Variants in FSIP1 observed in about 807,000 individuals in gnomAD.
FSIP1 encodes fibrous sheath interacting protein 1.
A neutral mutation model predicts 60.9 loss-of-function variants in FSIP1; 65 were observed. The observed-to-expected ratio is 1.07, with a 90% CI of 0.87 to 1.31. The LOEUF (loss-of-function observed/expected upper bound fraction) is 1.31, where lower values mean the gene tolerates loss of function less well. Ranked by LOEUF, FSIP1 falls within the 40% of genes most tolerant of loss-of-function variation. FSIP1 has a pLI of 0.00. For synonymous variants in FSIP1, 209 were observed against 221.2 expected (o/e 0.94, Z 0.49); for missense variants, 675 against 665.5 (o/e 1.01, Z -0.16).
intron 10 of FSIP1, among the ~76,000 whole-genome samples, chr15:39,630,353 T>A (rs1168300042): frequency 6.6e-6 from 1 of 151,826 alleles, no homozygotes; most frequent in East Asian, 1.9e-4. Flanking sequence ...CAGAAGAATC[T>A]AAATAGCTTG....
intron 10 of FSIP1, among the ~76,000 whole-genome samples, chr15:39,688,900 C>T (rs1302449450): frequency 6.6e-6 from 1 of 152,148 alleles, no homozygotes; most frequent in Admixed American, 6.5e-5. Flanking sequence ...TTACTAAGAA[C>T]AATTTAAAAT....
intron 10 of FSIP1, among the ~76,000 whole-genome samples, chr15:39,681,328 T>C (rs1356060307): frequency 6.6e-6 from 1 of 152,186 alleles, no homozygotes; most frequent in Non-Finnish European, 1.5e-5. Flanking sequence ...GAGGAGATTA[T>C]AGAGGACCTT....
chr15:39,630,789 A>T (rs1048466106), intron 10 of FSIP1, among the ~76,000 whole-genome samples: 1 of 152,094 alleles, frequency 6.6e-6, no homozygotes, highest in African/African-American at 2.4e-5. Flanking sequence ...AGTTAGTTAA[A>T]CTCCTTTTTC....
chr15:39,646,346 G>T (rs1251907584), intron 10 of FSIP1, among the ~76,000 whole-genome samples: 1 of 151,742 alleles, frequency 6.6e-6, no homozygotes, highest in Non-Finnish European at 1.5e-5. Context: ...AAGAACTCGG[G>T]CAAAGGTGCT....
chr15:39,749,693 C>T (rs1180292230), intron 5 of FSIP1, among the ~76,000 whole-genome samples: 4 of 151,900 alleles, frequency 2.6e-5, no homozygotes, highest in African/African-American at 9.7e-5. Flanking sequence ...AAAAAGTTCA[C>T]AGTTAACATC....
chr15:39,636,570 C>G (rs1424404563), intron 10 of FSIP1, among the ~76,000 whole-genome samples: 1 of 152,180 alleles, frequency 6.6e-6, no homozygotes, highest in East Asian at 1.9e-4. Context: ...CAGGGCTGCT[C>G]TAACTGGCAA....
intron 9 of FSIP1, among the ~76,000 whole-genome samples, chr15:39,714,035 C>T (rs1171093463): frequency 6.6e-6 from 1 of 152,138 alleles, no homozygotes; most frequent in Non-Finnish European, 1.5e-5. Context: ...GAATCTTTGC[C>T]CTGCCTGGTT....
At chr15:39,674,761 T>A (rs1893871390) in intron 10 of FSIP1, among the ~76,000 whole-genome samples, 1 of 149,360 alleles carries the variant, frequency 6.7e-6, no homozygotes, top group Admixed American at 6.7e-5. Flanking sequence ...TTTTAAGGAC[T>A]TCTTTCTGAA....
chr15:39,607,520 C>G (rs1396175287), intron 11 of FSIP1, among the ~76,000 whole-genome samples: 1 of 152,174 alleles, frequency 6.6e-6, no homozygotes. Flanking sequence ...TTTACTGAAC[C>G]TTGTATTCAA....
At chr15:39,611,742 A>G (rs188742899) in intron 11 of FSIP1, among the ~76,000 whole-genome samples, 8 of 152,344 alleles carry the variant, frequency 5.3e-5, no homozygotes, top group Admixed American at 4.6e-4. Context: ...AAAAATAGTA[A>G]TAAAAGGCCA....
intron 5 of FSIP1, among the ~76,000 whole-genome samples, chr15:39,745,284 A>T (rs1896956344): frequency 6.6e-6 from 1 of 152,212 alleles, no homozygotes; most frequent in South Asian, 2.1e-4. Flanking sequence ...TGTCATCTAT[A>T]GATTCTTGGA....
At chr15:39,696,954 G>T (rs2140515952) in intron 10 of FSIP1, among the ~76,000 whole-genome samples, 1 of 147,768 alleles carries the variant, frequency 6.8e-6, no homozygotes, top group East Asian at 2.0e-4. Flanking sequence ...AAGCATTTGG[G>T]GTATGTGTGA....
At position 39,631,779 on chromosome 15, in the gene FSIP1, A is replaced by G. The variant is rs1398662823; in HGVS notation, c.1189-13534T>C. ...TTTAATTATAGAAACCTATTCAAGT[A>G]CATATATATTAATAGAAAGCCTCAC... On this transcript the variant is annotated intron_variant, in intron 10 of 11. Transcript: ENST00000350221. Among the ~76,000 whole-genome samples the G allele has an allele frequency of 3.3e-5, 5 of 152,384 alleles. No individual in the cohort carries two copies. In the East Asian group the frequency reaches 9.6e-4, roughly 29 times the overall value.
In FSIP1 at chr15:39,629,299, TC is replaced by T. The variant is rs1300681034; in HGVS notation, c.1189-11055del. 2.0e-5 allele frequency among the ~76,000 whole-genome samples: 3 copies of T among 152,298 alleles called. No individual in the cohort carries two copies. In the East Asian group the frequency reaches 5.8e-4, roughly 29 times the overall value. ...GATTCTCTATCATCTATCATCGCCC[TC>T]GGAAGGTTTACACTTCAAGGCTGAC... On this transcript the variant is annotated intron_variant, in intron 10 of 11. Transcript: ENST00000350221.
chr15:39,724,408 C>T (rs962346153), intron 9 of FSIP1, among the ~76,000 whole-genome samples: 34 of 152,178 alleles, frequency 2.2e-4, no homozygotes, highest in South Asian at 6.2e-4. Context: ...CCCGCCACCA[C>T]GCCCAGCTAA....
chr15:39,754,924 C>T (rs915812667), intron 5 of FSIP1, among the ~76,000 whole-genome samples: 3 of 151,930 alleles, frequency 2.0e-5, no homozygotes, highest in African/African-American at 4.8e-5. Context: ...CACAGCGTGA[C>T]AGTAGAAAAT....
intron 2 of FSIP1, among the ~76,000 whole-genome samples, chr15:39,771,960 GC>G (rs1389189198): frequency 6.6e-6 from 1 of 152,140 alleles, no homozygotes; most frequent in Non-Finnish European, 1.5e-5. Context: ...ACCTTCCTCT[GC>G]GGCTGGGTTT....
intron 10 of FSIP1, among the ~76,000 whole-genome samples, chr15:39,632,591 G>A (rs546510349): frequency 5.3e-5 from 8 of 152,234 alleles, no homozygotes; most frequent in East Asian, 1.9e-4. Context: ...TCAGGAGATC[G>A]AGACCATCCT....
intron 10 of FSIP1, among the ~76,000 whole-genome samples, chr15:39,647,013 AAAAG>A (rs1226359599): frequency 6.6e-6 from 1 of 152,208 alleles, no homozygotes; most frequent in African/African-American, 2.4e-5. Context: ...GGAATCTAAA[AAAAG>A]AAAAACAAAG....
Sources: gnomAD v4.1 joint callset for allele counts (sites outside exome capture counted in the v4.1 genomes callset) on GRCh38, gnomAD v4.1.1 for gene constraint, MANE v1.5 for transcripts, NCBI Gene and HGNC (gene_info 2026-07-23, HGNC 2026-07-21) for gene names.